The following METTL9 variants were observed in gnomAD, a reference collection of about 807,000 sequenced individuals.
METTL9 encodes the protein methyltransferase 9, His-X-His N1(pi)-histidine.
In METTL9, 10 loss-of-function variants were observed where a neutral mutation model predicts 36.0. That is an observed-to-expected ratio of 0.28 (90% CI 0.17 to 0.47). The LOEUF is 0.47. Ranked by LOEUF, METTL9 falls within the 20% of genes least tolerant of loss-of-function variation. The pLI is 0.99. For synonymous variants in METTL9, 175 were observed against 149.7 expected (o/e 1.17, Z -1.23); for missense variants, 246 against 383.5 (o/e 0.64, Z 3.00).
chr16:21,613,137 T>C (rs1054633393), intron 2 of METTL9, among the ~76,000 whole-genome samples: 6 of 147,530 alleles, frequency 4.1e-5, no homozygotes, highest in Non-Finnish European at 7.4e-5. Flanking sequence ...GATTATGAGT[T>C]AGTACATCAG....
chr16:21,635,956 T>G (rs1452269339), intron 4 of METTL9, among the ~76,000 whole-genome samples: 1 of 152,182 alleles, frequency 6.6e-6, no homozygotes, highest in Non-Finnish European at 1.5e-5. Context: ...CTCGAAAACC[T>G]GCACCCTTGC....
At chr16:21,614,473 T>G (rs889054704) in intron 2 of METTL9, among the ~76,000 whole-genome samples, 3 of 152,182 alleles carry the variant, frequency 2.0e-5, no homozygotes, top group African/African-American at 7.2e-5. Flanking sequence ...GGCAATGCAG[T>G]TAATAAACCC....
chr16:21,598,714 C>T (rs192471798), upstream of METTL9, among the ~76,000 whole-genome samples: 26 of 152,208 alleles, frequency 1.7e-4, no homozygotes, highest in Admixed American at 1.2e-3. Context: ...AATAAATATC[C>T]GGGTTAAACA....
chr16:21,631,347 T>C (rs888045992), intron 4 of METTL9, among the ~76,000 whole-genome samples: 4 of 152,234 alleles, frequency 2.6e-5, no homozygotes, highest in African/African-American at 9.6e-5. Flanking sequence ...TTACTTTTGT[T>C]GAAAACCTTT....
chr16:21,599,498 T>C (rs1397243561), upstream of METTL9: 7 of 1,213,878 alleles, frequency 5.8e-6, no homozygotes, highest in Non-Finnish European at 7.2e-6. The surrounding 1 kb of genome is among the most constrained non-coding windows in gnomAD (Gnocchi z 4.4). Flanking sequence ...GTGCTCCGGA[T>C]GGAAACTGGT....
chr16:21,619,541 C>T (rs1056034853), intron 3 of METTL9, among the ~76,000 whole-genome samples: 26 of 151,468 alleles, frequency 1.7e-4, no homozygotes, highest in African/African-American at 6.3e-4. Flanking sequence ...CTGCCTCAGC[C>T]TCCTGAGTAG....
chr16:21,598,925 A>G (rs1032690111), upstream of METTL9, among the ~76,000 whole-genome samples: 1 of 152,154 alleles, frequency 6.6e-6, no homozygotes. Flanking sequence ...TTCTTTATAG[A>G]AACACGTAGC....
Position 21,617,855 on chromosome 16 carries a change from T to A in METTL9, c.357-10T>A. On this transcript the variant is annotated splice_polypyrimidine_tract_variant and intron_variant, in intron 2 of 4. Transcript: ENST00000358154. ...TAGACACTTCCATTTTTGTCCTTTT[T>A]TTCTTTCAGGTTGCTAGGAAGAGGC... The A allele has an allele frequency of 1.2e-6, 2 of 1,613,048 alleles. No individual in the cohort carries two copies. The highest frequency in any genetic ancestry group is 1.7e-6 in the Non-Finnish European group (2 of 1,179,084).
intron 4 of METTL9, among the ~76,000 whole-genome samples, chr16:21,645,673 A>G (rs980729967): frequency 6.6e-6 from 1 of 152,206 alleles, no homozygotes; most frequent in African/African-American, 2.4e-5. Flanking sequence ...TTCACTTTAT[A>G]TAAGCCTTGC....
At position 21,599,619 on chromosome 16, in the gene METTL9, A is replaced by G; in HGVS notation, c.-115A>G. 1.5e-6 allele frequency: 2 copies of G among 1,333,044 alleles called. No individual in the cohort carries two copies. The highest frequency in any genetic ancestry group is 6.5e-5 in the East Asian group (2 of 30,908). 82.6% of individuals were successfully genotyped at this position (1,333,044 alleles called of 1,614,324 possible). ...TTGCCCTGAAGGGGGCTGGATGGGC[A>G]AGGCGGCCGCGATGGCTCGAGCTCG... is the stretch of plus-strand genomic sequence containing the variant. On this transcript the variant is annotated 5_prime_UTR_variant, in exon 1 of 5. Coordinates refer to ENST00000358154, the MANE Select transcript of METTL9 (RefSeq NM_016025.5). The surrounding 1 kb of genome is among the most constrained non-coding windows in gnomAD (Gnocchi z 4.4).
intron 2 of METTL9, among the ~76,000 whole-genome samples, chr16:21,613,592 G>A (rs543565575): frequency 6.6e-5 from 10 of 152,206 alleles, no homozygotes; most frequent in Admixed American, 2.0e-4. Flanking sequence ...AGGGCTTTAC[G>A]CCCTTAGGCT....
intron 4 of METTL9, among the ~76,000 whole-genome samples, chr16:21,638,823 G>A (rs947312073): frequency 9.9e-5 from 15 of 152,270 alleles, no homozygotes; most frequent in Admixed American, 9.8e-4. Flanking sequence ...TTGTGTGGGG[G>A]TGGAGCAAGT....
At chr16:21,603,142 C>CT (rs202168603) in intron 1 of METTL9, among the ~76,000 whole-genome samples, 4,473 of 143,476 alleles carry the variant, frequency 0.031, 106 homozygotes, top group African/African-American at 0.075. Flanking sequence ...TAACAAACAG[C>CT]TTTTTTTTTT....
Position 21,650,242 on chromosome 16 carries a change from C to T in METTL9, c.752-4985C>T, listed in dbSNP as rs1966531884. Among the ~76,000 whole-genome samples the T allele has an allele frequency of 2.6e-5, 4 of 152,194 alleles. No individual in the cohort carries two copies. The South Asian group carries it at 6.2e-4, about 24-fold the overall frequency. On this transcript the variant is annotated intron_variant, in intron 4 of 4. Coordinates refer to ENST00000358154, the MANE Select transcript of METTL9 (RefSeq NM_016025.5). ...GGAATAGAGGCTGGGCATGGTGGCT[C>T]ACGCCTGTAATCCCAGCACTTTGGG...
intron 1 of METTL9, among the ~76,000 whole-genome samples, chr16:21,606,143 C>T (rs997050456): frequency 3.5e-4 from 53 of 151,926 alleles, no homozygotes; most frequent in African/African-American, 1.2e-3. Context: ...AAGACCATCC[C>T]GGCTAACAGG....
chr16:21,602,410 A>G (rs1044545983), intron 1 of METTL9, among the ~76,000 whole-genome samples: 1 of 152,160 alleles, frequency 6.6e-6, no homozygotes, highest in Non-Finnish European at 1.5e-5. Context: ...GTGCCATTTT[A>G]GTAACTTGGT....
intron 3 of METTL9, among the ~76,000 whole-genome samples, chr16:21,621,690 C>T (rs551639381): frequency 2.6e-5 from 4 of 152,192 alleles, no homozygotes; most frequent in South Asian, 2.1e-4. Context: ...CCTTTGTATT[C>T]GCAAGTTGTC....
chr16:21,625,359 A>G lies in METTL9; in HGVS notation c.751+244A>G, dbSNP rs1965794089. 135 of 471,746 alleles carry G rather than the reference A, an allele frequency of 2.9e-4. 4 individuals are homozygous for G. In the South Asian group the frequency reaches 3.2e-3, roughly 11 times the overall value. The allele number at this position is 471,746 out of a possible 1,614,324, so 29.2% of individuals were successfully genotyped here. On this transcript the variant is annotated intron_variant, in intron 4 of 4. Transcript: ENST00000358154. Reference sequence around the variant, plus strand: ...ATATTTAGCTGGGTCTGACTGCTTGAGATTGAAAGCTAAAAATGCAACTGT... The same window carrying G: ...ATATTTAGCTGGGTCTGACTGCTTGGGATTGAAAGCTAAAAATGCAACTGT...
chr16:21,609,081 G>A (rs1878490209), intron 1 of METTL9, among the ~76,000 whole-genome samples: 1 of 152,204 alleles, frequency 6.6e-6, no homozygotes. Flanking sequence ...TAGGTGCTCA[G>A]TTGGTGTCTT....
Sources: allele counts gnomAD v4.1 joint callset (sites outside exome capture counted in the v4.1 genomes callset), GRCh38; gene constraint gnomAD v4.1.1; non-coding constraint Gnocchi (gnomAD v3.1); transcripts MANE v1.5; gene names NCBI Gene and HGNC (gene_info 2026-07-23, HGNC 2026-07-21).